Variants in ZNF362 observed in about 807,000 individuals in gnomAD.
ZNF362 encodes the protein rotund homolog.
ZNF362 carries 11 observed loss-of-function variants against 42.9 expected under a neutral mutation model. The observed-to-expected ratio is 0.26, with a 90% CI of 0.16 to 0.42. The LOEUF is 0.42. ZNF362 is among the 20% of genes least tolerant of loss of function. ZNF362 has a pLI of 1.00. For missense variants in ZNF362, 362 were observed against 576.2 expected (o/e 0.63, Z 3.81); for synonymous variants, 255 against 257.3 (o/e 0.99, Z 0.09).
At position 33,280,518 on chromosome 1, in the gene ZNF362, G is replaced by C; in HGVS notation, c.683+61G>C. Reference sequence around the variant, plus strand: ...TGGGGCTGGGGCTTGAGCCAGGGCTGCTCCAGGAGCCCAGCAGCGGGGCTG... The same window carrying C: ...TGGGGCTGGGGCTTGAGCCAGGGCTCCTCCAGGAGCCCAGCAGCGGGGCTG... On this transcript the variant is annotated intron_variant, in intron 5 of 8. Transcript: ENST00000539719. The surrounding 1 kb of genome is among the most constrained non-coding windows in gnomAD (Gnocchi z 5.6). 6.8e-7 allele frequency: 1 copy of C among 1,479,850 alleles called. No homozygotes were observed. 91.7% of individuals were successfully genotyped at this position (1,479,850 alleles called of 1,614,324 possible). A position where few individuals can be genotyped will look rare whatever the true frequency, so the allele number is the denominator to read the frequency against.
rs766172709 is a variant in ZNF362 at position 33,280,191 on chromosome 1, CACGGGT to C, written c.420_425del (p.Gly141_Thr142del). On this transcript the variant is annotated inframe_deletion, in exon 5 of 9. Coordinates refer to ENST00000539719, the MANE Select transcript of ZNF362 (RefSeq NM_152493.3). This position sits in a 1 kb window ranked among gnomAD's most constrained non-coding sequence, Gnocchi z 5.6. ...AGTCAAGCGCGGGCGCGGGCACGGGCACGGGTACCAGCACCCCGTCCACACCCACCA... is the reference window on the plus strand; with the variant it reads ...AGTCAAGCGCGGGCGCGGGCACGGGCACCAGCACCCCGTCCACACCCACCA... 1.2e-6 allele frequency: 2 copies of C among 1,612,998 alleles called. No homozygotes were observed. The highest frequency in any genetic ancestry group is 1.1e-5 in the South Asian group (1 of 90,998).
rs553904170 is a variant in ZNF362 at position 33,277,395 on chromosome 1, A to G, written c.349+801A>G. Among the ~76,000 whole-genome samples the G allele has an allele frequency of 3.3e-5, 5 of 152,336 alleles. No individual in the cohort carries two copies. In the South Asian group the frequency reaches 1.0e-3, roughly 32 times the overall value. On this transcript the variant is annotated intron_variant, in intron 4 of 8. Transcript: ENST00000539719. The stretch of plus-strand genomic sequence containing the variant: ...TCTGTTTTGATGCTGAGTTCTGCTG[A>G]GGCTTCGAGGAAGCAGGGACCAGAT...
intron 6 of ZNF362, among the ~76,000 whole-genome samples, chr1:33,287,401 C>T (rs1646040547): frequency 6.6e-6 from 1 of 152,134 alleles, no homozygotes; most frequent in Non-Finnish European, 1.5e-5. Context: ...TGGGAGGATT[C>T]CTTGAACCCA....
upstream of ZNF362, among the ~76,000 whole-genome samples, chr1:33,256,257 G>GC (rs954654196): frequency 4.3e-5 from 6 of 138,206 alleles, no homozygotes; most frequent in African/African-American, 1.5e-4. Flanking sequence ...GCCCGCCCCC[G>GC]CCCCCCGCCC....
intron 1 of ZNF362, among the ~76,000 whole-genome samples, chr1:33,257,208 G>C (rs1645798871): frequency 6.6e-6 from 1 of 151,984 alleles, no homozygotes; most frequent in Non-Finnish European, 1.5e-5. Context: ...GAGAATGTGG[G>C]AGAGGCGGCT....
chr1:33,234,746 C>A, the ZNF362 span, among the ~76,000 whole-genome samples: 1 of 152,216 alleles, frequency 6.6e-6, no homozygotes, highest in African/African-American at 2.4e-5. Context: ...CCTTTCAGGG[C>A]AGCATTGCTC....
At chr1:33,283,658 T>G (rs1421051513) in intron 6 of ZNF362, among the ~76,000 whole-genome samples, 1 of 152,114 alleles carries the variant, frequency 6.6e-6, no homozygotes, top group Non-Finnish European at 1.5e-5. Context: ...TGAGCTGATG[T>G]CACACCACTG....
At chr1:33,276,841 C>T (rs1645954247) in intron 4 of ZNF362, among the ~76,000 whole-genome samples, 1 of 152,256 alleles carries the variant, frequency 6.6e-6, no homozygotes. Context: ...GTCACTGCCC[C>T]ATGGGGCTCA....
At chr1:33,236,869 G>C in the ZNF362 span, among the ~76,000 whole-genome samples, 8 of 151,720 alleles carry the variant, frequency 5.3e-5, no homozygotes, top group Non-Finnish European at 1.2e-4. Flanking sequence ...TTAGGAGCTC[G>C]AGACCAGCCT....
the ZNF362 span, chr1:33,181,067 C>G: frequency 6.3e-7 from 1 of 1,598,708 alleles, no homozygotes; most frequent in Non-Finnish European, 8.5e-7. This position sits in a 1 kb window ranked among gnomAD's most constrained non-coding sequence, Gnocchi z 6.5. Context: ...TGACCTGATG[C>G]TGCTCGTGCA....
the ZNF362 span, among the ~76,000 whole-genome samples, chr1:33,231,292 T>G: frequency 1.3e-5 from 2 of 152,314 alleles, no homozygotes; most frequent in South Asian, 4.1e-4. Context: ...CATTGTGCTA[T>G]TCTACTGGTT....
chr1:33,243,098 C>A, the ZNF362 span, among the ~76,000 whole-genome samples: 1 of 142,424 alleles, frequency 7.0e-6, no homozygotes, highest in Non-Finnish European at 1.5e-5. Flanking sequence ...ACCAAATCAC[C>A]ACAACTGTTA....
At chr1:33,249,301 T>C in the ZNF362 span, among the ~76,000 whole-genome samples, 1 of 152,192 alleles carries the variant, frequency 6.6e-6, no homozygotes, top group South Asian at 2.1e-4. Flanking sequence ...GGGGCTTGTG[T>C]GGCTGGAGCA....
intron 2 of ZNF362, among the ~76,000 whole-genome samples, chr1:33,273,440 C>A (rs530065293): frequency 1.6e-4 from 24 of 152,308 alleles, no homozygotes; most frequent in African/African-American, 5.8e-4. Context: ...GGGCAAGACC[C>A]CCTCTTCCCA....
the ZNF362 span, among the ~76,000 whole-genome samples, chr1:33,218,318 A>G: frequency 3.3e-5 from 5 of 152,126 alleles, no homozygotes; most frequent in African/African-American, 9.7e-5. Context: ...GTGTATGCCT[A>G]TGGTCCACGC....
At chr1:33,284,973 C>A (rs962348367) in intron 6 of ZNF362, among the ~76,000 whole-genome samples, 4 of 152,126 alleles carry the variant, frequency 2.6e-5, no homozygotes, top group Non-Finnish European at 4.4e-5. Context: ...AAAGCAGAGG[C>A]CTTTAATTAA....
At chr1:33,135,351 C>T in the ZNF362 span, among the ~76,000 whole-genome samples, 1 of 152,198 alleles carries the variant, frequency 6.6e-6, no homozygotes, top group African/African-American at 2.4e-5. Context: ...GCCAGGCCTT[C>T]ACGCTATTCA....
chr1:33,279,315 G>A (rs1009046411), intron 4 of ZNF362, among the ~76,000 whole-genome samples: 9 of 152,182 alleles, frequency 5.9e-5, no homozygotes, highest in Non-Finnish European at 1.0e-4. Flanking sequence ...GTGAGCCGCC[G>A]TGCTTGGCCA....
chr1:33,290,387 A>G (rs1646068921), intron 6 of ZNF362, among the ~76,000 whole-genome samples: 1 of 151,870 alleles, frequency 6.6e-6, no homozygotes, highest in Non-Finnish European at 1.5e-5. Context: ...TACAAAGGAC[A>G]TGAACTCATC....
Sources: allele counts gnomAD v4.1 joint callset (sites outside exome capture counted in the v4.1 genomes callset), GRCh38; gene constraint gnomAD v4.1.1; non-coding constraint Gnocchi (gnomAD v3.1); transcripts MANE v1.5; gene names NCBI Gene and HGNC (gene_info 2026-07-23, HGNC 2026-07-21).